CHP1: variants seen among roughly 807,000 people sequenced by gnomAD.
The protein encoded by CHP1 is calcineurin B homologous protein 1.
In CHP1, 11 loss-of-function variants were observed where a neutral mutation model predicts 27.4. The observed-to-expected ratio is 0.40, with a 90% CI of 0.25 to 0.67. The LOEUF (loss-of-function observed/expected upper bound fraction) is 0.67, where lower values mean the gene tolerates loss of function less well. CHP1 is among the 30% of genes least tolerant of loss of function. The pLI is 0.38. For synonymous variants in CHP1, 89 were observed against 87.4 expected (o/e 1.02, Z -0.10); for missense variants, 169 against 251.3 (o/e 0.67, Z 2.22).
intron 1 of CHP1, among the ~76,000 whole-genome samples, chr15:41,239,828 G>A (rs1053601932): frequency 6.6e-6 from 1 of 151,918 alleles, no homozygotes; most frequent in African/African-American, 2.4e-5. Flanking sequence ...CCAGGCTGGA[G>A]TGCAGTGGCG....
At chr15:41,274,581 A>C (rs1474436885) in intron 5 of CHP1, among the ~76,000 whole-genome samples, 1 of 152,006 alleles carries the variant, frequency 6.6e-6, no homozygotes, top group Non-Finnish European at 1.5e-5. Context: ...GATGTTAAAG[A>C]CACCACTACT....
chr15:41,268,106 T>G (rs935324542), intron 4 of CHP1, among the ~76,000 whole-genome samples: 1 of 152,062 alleles, frequency 6.6e-6, no homozygotes, highest in Non-Finnish European at 1.5e-5. Flanking sequence ...ACTTATGATC[T>G]AATAAGAGAG....
At chr15:41,256,482 T>G (rs1011740906) in intron 2 of CHP1, among the ~76,000 whole-genome samples, 1 of 152,200 alleles carries the variant, frequency 6.6e-6, no homozygotes, top group African/African-American at 2.4e-5. Context: ...CCTAAAAATC[T>G]TAACAAGGAT....
intron 3 of CHP1, among the ~76,000 whole-genome samples, chr15:41,260,543 C>T (rs1595478527): frequency 1.3e-5 from 2 of 151,846 alleles, no homozygotes; most frequent in African/African-American, 2.4e-5. Flanking sequence ...TACAGGCATG[C>T]ACCACCAGGC....
intron 5 of CHP1, among the ~76,000 whole-genome samples, chr15:41,272,585 T>TA (rs2047495703): frequency 6.6e-6 from 1 of 151,786 alleles, no homozygotes; most frequent in Admixed American, 6.6e-5. Context: ...CATACCCAGC[T>TA]AATTTTTGTG....
intron 5 of CHP1, among the ~76,000 whole-genome samples, chr15:41,271,876 T>C (rs2047491475): frequency 1.3e-5 from 2 of 152,246 alleles, no homozygotes; most frequent in African/African-American, 2.4e-5. Context: ...TTGCCACATA[T>C]GGGCTTCTGT....
chr15:41,265,432 A>G (rs193075566), intron 4 of CHP1, among the ~76,000 whole-genome samples: 2 of 147,988 alleles, frequency 1.4e-5, no homozygotes, highest in African/African-American at 4.9e-5. Flanking sequence ...TTTACAGGCC[A>G]GGCATGATGG....
chr15:41,271,380 A>G (rs936128673), intron 5 of CHP1, among the ~76,000 whole-genome samples: 1 of 151,498 alleles, frequency 6.6e-6, no homozygotes, highest in Non-Finnish European at 1.5e-5. Context: ...GTGAGCCAAG[A>G]TCGTGCCACT....
intron 2 of CHP1, among the ~76,000 whole-genome samples, chr15:41,247,240 A>C (rs2047339861): frequency 6.6e-6 from 1 of 151,994 alleles, no homozygotes; most frequent in Non-Finnish European, 1.5e-5. Context: ...GTGGTGGCGC[A>C]TGCCTGGAAT....
At chr15:41,243,855 A>G in intron 2 of CHP1, 116 bp downstream of exon 2, 1 of 796,456 alleles carries the variant, frequency 1.3e-6, no homozygotes, top group Non-Finnish European at 2.1e-6. Context: ...GCAGATAGCA[A>G]GGACCATTTC....
chr15:41,255,551 T>C (rs1421493630), intron 2 of CHP1, among the ~76,000 whole-genome samples: 1 of 151,940 alleles, frequency 6.6e-6, no homozygotes, highest in African/African-American at 2.4e-5. Flanking sequence ...CACCCGCTTG[T>C]AATGCTAGCT....
intron 2 of CHP1, among the ~76,000 whole-genome samples, chr15:41,251,401 G>A (rs947280363): frequency 6.6e-6 from 1 of 152,100 alleles, no homozygotes; most frequent in African/African-American, 2.4e-5. Context: ...CCATCTTTGT[G>A]TTCAGATACT....
intron 3 of CHP1, 130 bp from the exon 4 acceptor site, chr15:41,262,626 C>A (rs552696598): frequency 6.0e-6 from 7 of 1,169,154 alleles, no homozygotes; most frequent in Non-Finnish European, 8.6e-6. Context: ...AAGTACCATG[C>A]GTATGGAAAG....
chr15:41,271,809 G>A (rs573458602), intron 5 of CHP1, among the ~76,000 whole-genome samples: 78 of 152,322 alleles, frequency 5.1e-4, no homozygotes, highest in Non-Finnish European at 6.9e-4. Context: ...CAGTGTTAGC[G>A]TCCCTTGCTT....
intron 3 of CHP1, among the ~76,000 whole-genome samples, chr15:41,258,299 C>G (rs754753555): frequency 7.2e-5 from 11 of 152,126 alleles, no homozygotes; most frequent in Non-Finnish European, 1.3e-4. Flanking sequence ...TTTACATATC[C>G]ATAGTATAGT....
chr15:41,275,772 A>G (rs1055420926), intron 5 of CHP1, among the ~76,000 whole-genome samples: 6 of 151,826 alleles, frequency 4.0e-5, no homozygotes, highest in African/African-American at 1.5e-4. Context: ...CTGGAGTGCA[A>G]TGGTGCAATT....
chr15:41,261,122 C>T (rs761861275), intron 3 of CHP1, among the ~76,000 whole-genome samples: 35 of 150,500 alleles, frequency 2.3e-4, no homozygotes, highest in Admixed American at 1.3e-3. Flanking sequence ...CTTTTCCTTT[C>T]CTTTTCCTTC....
chr15:41,247,670 TTAAAA>T (rs2047342473), intron 2 of CHP1, among the ~76,000 whole-genome samples: 1 of 149,692 alleles, frequency 6.7e-6, no homozygotes, highest in South Asian at 2.1e-4. Context: ...AGACTCCATC[TTAAAA>T]TAAATAAATA....
intron 1 of CHP1, among the ~76,000 whole-genome samples, chr15:41,237,150 T>C (rs1402603498): frequency 1.4e-5 from 2 of 147,874 alleles, no homozygotes; most frequent in East Asian, 4.0e-4. Flanking sequence ...CTTTTTCTTT[T>C]TTTTTTTTTA....
Sources: gnomAD v4.1 joint callset for allele counts (sites outside exome capture counted in the v4.1 genomes callset) on GRCh38, gnomAD v4.1.1 for gene constraint, MANE v1.5 for transcripts, NCBI Gene and HGNC (gene_info 2026-07-23, HGNC 2026-07-21) for gene names.